CFAP299: variants seen among roughly 807,000 people sequenced by gnomAD.
CFAP299 encodes the protein cilia and flagella associated protein 299, also known as cilia- and flagella-associated protein 299.
In CFAP299, 21 loss-of-function variants were observed where a neutral mutation model predicts 27.0. The observed-to-expected ratio is 0.78, with a 90% CI of 0.55 to 1.12. The LOEUF is 1.12. CFAP299 is among the 50% of genes most tolerant of loss of function. The probability of loss-of-function intolerance (pLI) is 0.00; values close to 1 mark genes in which losing one functional copy is unlikely to be tolerated. For synonymous variants in CFAP299, 104 were observed against 98.1 expected (o/e 1.06, Z -0.36); for missense variants, 310 against 276.6 (o/e 1.12, Z -0.86).
At chr4:80,817,319 A>G (rs970361118) in intron 3 of CFAP299, among the ~76,000 whole-genome samples, 1 of 152,006 alleles carries the variant, frequency 6.6e-6, no homozygotes, top group African/African-American at 2.4e-5. Context: ...ATGAAAACCG[A>G]TAAATAAATA....
At chr4:80,387,917 T>G (rs1725106556) in intron 2 of CFAP299, 1 of 870,330 alleles carries the variant, frequency 1.1e-6, no homozygotes, top group East Asian at 2.4e-5. Flanking sequence ...GCACTGGTCA[T>G]GGGGCAGCAG....
intron 3 of CFAP299, among the ~76,000 whole-genome samples, chr4:80,843,488 A>G (rs1004159828): frequency 6.6e-6 from 1 of 152,126 alleles, no homozygotes; most frequent in Non-Finnish European, 1.5e-5. Flanking sequence ...ATTGTTGGAC[A>G]TTTAGGTTGG....
intron 2 of CFAP299, among the ~76,000 whole-genome samples, chr4:80,384,866 T>A (rs1467295739): frequency 6.6e-6 from 1 of 152,162 alleles, no homozygotes; most frequent in East Asian, 1.9e-4. Flanking sequence ...GGTTCTTTTT[T>A]AATTAAATTT....
Position 80,567,784 on chromosome 4 carries a change from G to A in CFAP299, c.243-15309G>A, listed in dbSNP as rs533890962. 9.3e-5 allele frequency among the ~76,000 whole-genome samples: 14 copies of A among 150,194 alleles called. No homozygotes were observed. The East Asian group carries it at 1.7e-3, about 19-fold the overall frequency. On this transcript the variant is annotated intron_variant, in intron 2 of 5. Transcript: ENST00000358105. Reference sequence around the variant, plus strand: ...AAGATTTTGTTGTTTAAATACAAACGAAAAGTTGTTTAAAGTCTAGGAAAC... The same window carrying A: ...AAGATTTTGTTGTTTAAATACAAACAAAAAGTTGTTTAAAGTCTAGGAAAC...
chr4:80,935,470 GA>G (rs1736843211), intron 4 of CFAP299, among the ~76,000 whole-genome samples: 2 of 147,950 alleles, frequency 1.4e-5, no homozygotes, highest in African/African-American at 4.9e-5. Flanking sequence ...AAGCAATGGG[GA>G]AAGTATTCCC....
intron 4 of CFAP299, among the ~76,000 whole-genome samples, chr4:80,902,511 C>CATATATACATATATGTATATATGTAT (rs1734969416): frequency 9.9e-6 from 1 of 100,562 alleles, no homozygotes; most frequent in African/African-American, 5.9e-5. Flanking sequence ...GATATATATC[C>CATATATACATATATGTATATATGTAT]ATATGTATGG....
At chr4:80,503,653 T>G (rs951764201) in intron 2 of CFAP299, among the ~76,000 whole-genome samples, 9 of 152,124 alleles carry the variant, frequency 5.9e-5, no homozygotes, top group Non-Finnish European at 1.2e-4. Flanking sequence ...GAACGGTGGC[T>G]AATATATATT....
chr4:80,632,299 A>G (rs1739250369), intron 3 of CFAP299, among the ~76,000 whole-genome samples: 1 of 151,874 alleles, frequency 6.6e-6, no homozygotes, highest in Admixed American at 6.6e-5. Context: ...TTAAGTTATT[A>G]TTAAAAATTA....
chr4:80,393,266 G>A (rs1194555791), intron 2 of CFAP299, among the ~76,000 whole-genome samples: 1 of 152,002 alleles, frequency 6.6e-6, no homozygotes, highest in Non-Finnish European at 1.5e-5. Flanking sequence ...TTACAAAAGA[G>A]ACAGAAAAGT....
intron 2 of CFAP299, among the ~76,000 whole-genome samples, chr4:80,372,816 C>A (rs1169175534): frequency 6.6e-6 from 1 of 152,116 alleles, no homozygotes; most frequent in Non-Finnish European, 1.5e-5. Context: ...AAACATAACC[C>A]CGAGACAAAA....
At chr4:80,555,798 G>T (rs908455415) in intron 2 of CFAP299, among the ~76,000 whole-genome samples, 3 of 152,164 alleles carry the variant, frequency 2.0e-5, no homozygotes, top group East Asian at 1.9e-4. Context: ...GGTGCTCATT[G>T]TAGTTTCTGA....
intron 2 of CFAP299, among the ~76,000 whole-genome samples, chr4:80,462,348 C>T (rs1465765211): frequency 1.3e-5 from 2 of 152,128 alleles, no homozygotes; most frequent in African/African-American, 4.8e-5. Context: ...TCTGGCGGAG[C>T]AGACTATAGT....
chr4:80,844,114 T>C (rs1050208608), intron 3 of CFAP299, among the ~76,000 whole-genome samples: 1 of 152,192 alleles, frequency 6.6e-6, no homozygotes, highest in African/African-American at 2.4e-5. Context: ...TAGTATTCCA[T>C]GGTGTATATG....
chr4:80,518,164 T>C (rs1732678757), intron 2 of CFAP299, among the ~76,000 whole-genome samples: 2 of 152,088 alleles, frequency 1.3e-5, no homozygotes, highest in Admixed American at 1.3e-4. Context: ...ATTATTCATA[T>C]GGACTTTGAA....
intron 3 of CFAP299, among the ~76,000 whole-genome samples, chr4:80,678,062 C>G (rs1400006844): frequency 6.6e-6 from 1 of 151,966 alleles, no homozygotes; most frequent in African/African-American, 2.4e-5. Flanking sequence ...AATTTATCAT[C>G]AATCTAGTTG....
At chr4:80,343,780 G>T (rs183075888) in intron 1 of CFAP299, among the ~76,000 whole-genome samples, 14 of 115,946 alleles carry the variant, frequency 1.2e-4, no homozygotes, top group African/African-American at 4.8e-4. Flanking sequence ...CGGCCTGGGC[G>T]ACAGAGCGAG....
At position 80,738,917 on chromosome 4, in the gene CFAP299, A is replaced by G. The variant is rs887464822; in HGVS notation, c.334-131076A>G. 5.3e-5 allele frequency among the ~76,000 whole-genome samples: 8 copies of G among 151,758 alleles called. No homozygotes were observed. The South Asian group carries it at 1.2e-3, about 24-fold the overall frequency. ...TTTTTTGTGTGTGTATCCATTGTAT[A>G]TTTTTGGTTTGAGGTTACCATGAGG... On this transcript the variant is annotated intron_variant, in intron 3 of 5. Transcript: ENST00000358105.
In CFAP299 at chr4:80,391,050, T is replaced by C. The variant is rs200866904; in HGVS notation, c.242+28166T>C. On this transcript the variant is annotated intron_variant, in intron 2 of 5. Coordinates refer to ENST00000358105, the MANE Select transcript of CFAP299 (RefSeq NM_152770.3). ...ATATATGTATACACACACACATATA[T>C]ACACACATATATATACATATACACA... Among the ~76,000 whole-genome samples the C allele has an allele frequency of 6.6e-5, 10 of 151,598 alleles. No individual in the cohort carries two copies. The South Asian group carries it at 1.0e-3, about 16-fold the overall frequency.
intron 3 of CFAP299, among the ~76,000 whole-genome samples, chr4:80,820,255 T>C (rs1729632141): frequency 6.6e-6 from 1 of 152,176 alleles, no homozygotes; most frequent in African/African-American, 2.4e-5. Flanking sequence ...ATGCATTCAT[T>C]AATTCATTTA....
Sources: gnomAD v4.1 joint callset for allele counts (sites outside exome capture counted in the v4.1 genomes callset) on GRCh38, gnomAD v4.1.1 for gene constraint, MANE v1.5 for transcripts, NCBI Gene and HGNC (gene_info 2026-07-23, HGNC 2026-07-21) for gene names.